Variants in TAF2 observed in about 807,000 individuals in gnomAD.
TAF2 encodes the protein transcription initiation factor TFIID subunit 2.
Under a neutral mutation model 138.5 loss-of-function variants are expected in TAF2, and 61 were observed. The observed-to-expected ratio is 0.44, with a 90% CI of 0.36 to 0.54. TAF2 has a LOEUF of 0.54. TAF2 is among the 20% of genes least tolerant of loss of function. The pLI, the probability that TAF2 is intolerant of heterozygous loss-of-function variation, is 0.00. For missense variants in TAF2, 1,090 were observed against 1,427.9 expected (o/e 0.76, Z 3.81); for synonymous variants, 475 against 469.9 (o/e 1.01, Z -0.14).
chr8:119,753,436 C>T (rs1820492350), intron 22 of TAF2, among the ~76,000 whole-genome samples: 1 of 152,168 alleles, frequency 6.6e-6, no homozygotes, highest in Non-Finnish European at 1.5e-5. Flanking sequence ...TATCTATTGT[C>T]CAATGTTCTA....
chr8:119,762,459 A>G lies in TAF2; in HGVS notation c.2514T>C (p.Asn838=). The G allele has an allele frequency of 6.2e-7, 1 of 1,613,966 alleles. No individual in the cohort carries two copies. Among genetic ancestry groups the G allele is most frequent in the Non-Finnish European group, 8.5e-7 (1 of 1,179,920 alleles). Residue 838 remains asparagine (N), a synonymous_variant, in exon 19 of 26, where the codon AAT becomes AAC. Transcript: ENST00000378164. ...LILEEITRFL[N]MEKLLPSYRH... ...TGTAACTCGGAAGAAGTTTTTCCAT[A>G]TTCAAAAATCTGGTGATTTCTTCAA... is the stretch of plus-strand genomic sequence containing the variant.
chr8:119,792,149 CTT>C (rs905286521), intron 10 of TAF2, among the ~76,000 whole-genome samples: 1 of 138,758 alleles, frequency 7.2e-6, no homozygotes. Flanking sequence ...TTCTTTCTTT[CTT>C]TTTTTTTTTT....
At chr8:119,797,201 A>G in intron 7 of TAF2, 98 bp from the exon 8 acceptor site, 1 of 903,908 alleles carries the variant, frequency 1.1e-6, no homozygotes, top group Non-Finnish European at 1.7e-6. Context: ...TGGAAGCTAA[A>G]TAGAGAAAAA....
intron 9 of TAF2, among the ~76,000 whole-genome samples, chr8:119,793,884 G>A (rs1194186076): frequency 7.3e-6 from 1 of 137,590 alleles, no homozygotes; most frequent in Non-Finnish European, 1.5e-5. Context: ...TTAAAAAGGG[G>A]GATTTTTTTT....
chr8:119,757,981 A>T, intron 21 of TAF2, 92 bp downstream of exon 21: 2 of 1,065,798 alleles, frequency 1.9e-6, no homozygotes, highest in Non-Finnish European at 2.9e-6. Flanking sequence ...TATTTTCAAA[A>T]ATCATAAACA....
At position 119,778,034 on chromosome 8, in the gene TAF2, G is replaced by C; in HGVS notation, c.2349C>G (p.Asp783Glu). The change falls in exon 18 of 26, where the codon GAC becomes GAG. Residue 783 changes from aspartate to glutamate, a missense_variant. By Grantham distance (45) the Asp-to-Glu change is conservative. This residue lies in a region of TAF2 where 580 missense variants were observed against 719.6 expected (regional missense o/e 0.81). Coordinates refer to ENST00000378164, the MANE Select transcript of TAF2 (RefSeq NM_003184.4). ...TFILDLIKYN[D>E]NRKNKFSDNY... The stretch of plus-strand genomic sequence containing the variant: ...AGTACCTCACCTTATTTTTCCTGTT[G>C]TCATTGTACTTGATTAAGTCTAAAA... 6.5e-7 allele frequency: 1 copy of C among 1,527,752 alleles called. No homozygotes were observed. Among genetic ancestry groups the C allele is most frequent in the East Asian group, 2.3e-5 (1 of 44,414 alleles). 94.6% of individuals were successfully genotyped at this position (1,527,752 alleles called of 1,614,324 possible).
intron 18 of TAF2, among the ~76,000 whole-genome samples, chr8:119,769,400 C>T (rs1000380883): frequency 6.6e-6 from 1 of 151,996 alleles, no homozygotes; most frequent in Non-Finnish European, 1.5e-5. Flanking sequence ...TCCAGCAACA[C>T]GAAGAAAGAG....
intron 22 of TAF2, among the ~76,000 whole-genome samples, chr8:119,755,380 C>A (rs555678104): frequency 3.9e-5 from 6 of 152,056 alleles, no homozygotes; most frequent in African/African-American, 1.5e-4. Flanking sequence ...GCCTGTAATC[C>A]CAGCTACTCG....
intron 3 of TAF2, among the ~76,000 whole-genome samples, chr8:119,815,671 G>A (rs1426883455): frequency 2.0e-5 from 3 of 152,028 alleles, no homozygotes; most frequent in Non-Finnish European, 2.9e-5. Context: ...CATCCACAGA[G>A]ACAGTTTCTC....
chr8:119,809,598 G>A (rs1824895554), intron 3 of TAF2, among the ~76,000 whole-genome samples: 1 of 152,158 alleles, frequency 6.6e-6, no homozygotes, highest in Non-Finnish European at 1.5e-5. Flanking sequence ...TAAAGTGTGA[G>A]ATATGAGACT....
chr8:119,825,090 C>T (rs774092845), intron 2 of TAF2, among the ~76,000 whole-genome samples: 2 of 152,232 alleles, frequency 1.3e-5, no homozygotes, highest in Non-Finnish European at 2.9e-5. Context: ...CAACGCCATC[C>T]AGTCAAGGCA....
intron 3 of TAF2, among the ~76,000 whole-genome samples, chr8:119,807,495 T>C (rs904852163): frequency 1.3e-5 from 2 of 152,192 alleles, no homozygotes; most frequent in East Asian, 1.9e-4. Context: ...AGGGCAAGAA[T>C]ACAAGATGAA....
intron 18 of TAF2, among the ~76,000 whole-genome samples, chr8:119,766,153 G>A (rs1015832613): frequency 1.3e-5 from 2 of 152,090 alleles, no homozygotes; most frequent in African/African-American, 2.4e-5. Flanking sequence ...CCTACTTAGC[G>A]ATTTAGGAAT....
chr8:119,766,770 G>T (rs775684339), intron 18 of TAF2, among the ~76,000 whole-genome samples: 1 of 151,566 alleles, frequency 6.6e-6, no homozygotes, highest in African/African-American at 2.4e-5. Flanking sequence ...GGAGGCAGAG[G>T]TTGCTGTGGG....
chr8:119,827,191 C>CA (rs1002623241), intron 2 of TAF2, among the ~76,000 whole-genome samples: 13 of 150,134 alleles, frequency 8.7e-5, no homozygotes, highest in East Asian at 2.0e-4. Context: ...GATCCTGTCT[C>CA]AAAAAAAAAG....
At chr8:119,824,802 G>C (rs898906248) in intron 2 of TAF2, among the ~76,000 whole-genome samples, 1 of 152,250 alleles carries the variant, frequency 6.6e-6, no homozygotes, top group Non-Finnish European at 1.5e-5. Context: ...TGAGAGTGCA[G>C]AGAAGTCAAG....
chr8:119,792,940 A>G (rs528921411), intron 10 of TAF2, among the ~76,000 whole-genome samples: 25 of 152,210 alleles, frequency 1.6e-4, no homozygotes, highest in Admixed American at 9.8e-4. Context: ...TGTTTACATT[A>G]TTACCCAGTC....
chr8:119,754,303 C>T (rs1222799094), intron 22 of TAF2, among the ~76,000 whole-genome samples: 1 of 151,954 alleles, frequency 6.6e-6, no homozygotes, highest in Non-Finnish European at 1.5e-5. Context: ...TAATTGTGAG[C>T]CAGTGAAGTA....
chr8:119,762,589 C>A lies in TAF2; in HGVS notation c.2384G>T (p.Arg795Leu). 1 of 1,612,138 alleles carries A rather than the reference C, an allele frequency of 6.2e-7. No individual in the cohort carries two copies. Among genetic ancestry groups the A allele is most frequent in the Non-Finnish European group, 8.5e-7 (1 of 1,179,084 alleles). Residue 795 changes from arginine to leucine, a missense_variant, in exon 19 of 26, where the codon CGT becomes CTT. Arg to Leu is a moderately radical substitution (Grantham distance 102, BLOSUM62 -2). Coordinates refer to ENST00000378164, the MANE Select transcript of TAF2 (RefSeq NM_003184.4). ...GGCCAGGGCATCAATCATTTCTGCA[C>A]GATAATAGTTATCTGAAAACTAGGC... ...RKNKFSDNYY[R>L]AEMIDALANS...
Sources: allele counts gnomAD v4.1 joint callset (sites outside exome capture counted in the v4.1 genomes callset), GRCh38; gene constraint gnomAD v4.1.1; regional missense constraint gnomAD v4.1.1; transcripts MANE v1.5; gene names NCBI Gene and HGNC (gene_info 2026-07-23, HGNC 2026-07-21).